PCCA: variants seen among roughly 807,000 people sequenced by gnomAD.
PCCA encodes the protein propionyl-CoA carboxylase subunit alpha, also known as propionyl-CoA carboxylase alpha chain, mitochondrial.
In PCCA, 74 loss-of-function variants were observed where a neutral mutation model predicts 101.3. The observed-to-expected ratio is 0.73, with a 90% confidence interval of 0.61 to 0.89. PCCA has a LOEUF of 0.89. Ranked by LOEUF, PCCA falls within the 40% of genes least tolerant of loss-of-function variation. The pLI is 0.00. For synonymous variants in PCCA, 294 were observed against 313.6 expected (o/e 0.94, Z 0.66); for missense variants, 891 against 907.0 (o/e 0.98, Z 0.23).
chr13:100,494,399 T>G (rs1190894641), intron 21 of PCCA, among the ~76,000 whole-genome samples: 1 of 151,650 alleles, frequency 6.6e-6, no homozygotes, highest in East Asian at 2.0e-4. Flanking sequence ...GATTTGAAAT[T>G]CCGGCCGGGT....
intron 21 of PCCA, among the ~76,000 whole-genome samples, chr13:100,468,348 T>C (rs904480197): frequency 1.3e-5 from 2 of 152,104 alleles, no homozygotes; most frequent in Non-Finnish European, 2.9e-5. Context: ...AGCAAGAGAG[T>C]TGGCCTGTCC....
intron 21 of PCCA, among the ~76,000 whole-genome samples, chr13:100,461,371 A>G (rs911153297): frequency 6.6e-6 from 1 of 152,250 alleles, no homozygotes; most frequent in Non-Finnish European, 1.5e-5. Context: ...TCACTTACAG[A>G]TATCAAATTT....
At chr13:100,258,141 G>T (rs1022602433) in intron 9 of PCCA, among the ~76,000 whole-genome samples, 1 of 152,172 alleles carries the variant, frequency 6.6e-6, no homozygotes, top group Admixed American at 6.5e-5. Context: ...TTTAGAGTGT[G>T]AAATATATTC....
intron 8 of PCCA, among the ~76,000 whole-genome samples, chr13:100,253,184 A>G (rs1413432780): frequency 6.6e-6 from 1 of 152,176 alleles, no homozygotes; most frequent in Non-Finnish European, 1.5e-5. Flanking sequence ...ATATGTGTAT[A>G]TACATAAAGA....
At chr13:100,153,586 G>A (rs1263359993) in intron 4 of PCCA, among the ~76,000 whole-genome samples, 1 of 152,148 alleles carries the variant, frequency 6.6e-6, no homozygotes, top group Non-Finnish European at 1.5e-5. Flanking sequence ...GACAGTAACA[G>A]GATCTGAAGT....
chr13:100,231,052 A>G (rs1253452954), intron 7 of PCCA, among the ~76,000 whole-genome samples: 2 of 152,130 alleles, frequency 1.3e-5, no homozygotes, highest in African/African-American at 4.8e-5. Context: ...GTGTCTTTTC[A>G]GTTACCACGC....
intron 19 of PCCA, among the ~76,000 whole-genome samples, chr13:100,380,740 T>C (rs1230578512): frequency 6.6e-6 from 1 of 152,196 alleles, no homozygotes; most frequent in Admixed American, 6.5e-5. Context: ...TAAAAATAGA[T>C]GAATTGTTCA....
At position 100,410,394 on chromosome 13, in the gene PCCA, C is replaced by T. The variant is rs149077080; in HGVS notation, c.1747-15239C>T. ...AGTAGCTGCGACTACAGGTACATGCCGTGATGCCCAGCTAATTTTTGTATT... is the reference window on the plus strand; with the variant it reads ...AGTAGCTGCGACTACAGGTACATGCTGTGATGCCCAGCTAATTTTTGTATT... On this transcript the variant is annotated intron_variant, in intron 19 of 23. Transcript: ENST00000376285. 3.9e-3 allele frequency among the ~76,000 whole-genome samples: 589 copies of T among 152,254 alleles called. 5 individuals are homozygous for T. The highest frequency in any genetic ancestry group is 0.013 in the African/African-American group (537 of 41,540).
At position 100,474,440 on chromosome 13, in the gene PCCA, T is replaced by TTCTCTC. The variant is rs58811683; in HGVS notation, c.1899+25159_1899+25164dup. On this transcript the variant is annotated intron_variant, in intron 21 of 23. Transcript: ENST00000376285. ...TCTTATAATTTTATGTATTTACTGT[T>TTCTCTC]TCTCTCTCTCTCTCTCTCTCTCTCT... 7.0e-3 allele frequency among the ~76,000 whole-genome samples: 1,015 copies of TTCTCTC among 144,316 alleles called. 10 individuals carry two copies. The highest frequency in any genetic ancestry group is 0.023 in the African/African-American group (868 of 38,136). The allele number at this position is 144,316 out of a possible 152,430, so 94.7% of individuals were successfully genotyped here. A position where few individuals can be genotyped will look rare whatever the true frequency, so the allele number is the denominator to read the frequency against.
At chr13:100,135,463 G>A (rs748886832) in intron 4 of PCCA, among the ~76,000 whole-genome samples, 11 of 152,124 alleles carry the variant, frequency 7.2e-5, no homozygotes, top group Non-Finnish European at 1.3e-4. Context: ...TTGGTTTCCA[G>A]TTGTACATTG....
chr13:100,393,155 A>T (rs1178709922), intron 19 of PCCA, among the ~76,000 whole-genome samples: 1 of 152,222 alleles, frequency 6.6e-6, no homozygotes, highest in African/African-American at 2.4e-5. Flanking sequence ...TGTCACATTT[A>T]ATAGCGTTCT....
chr13:100,465,194 G>A (rs531589799), intron 21 of PCCA, among the ~76,000 whole-genome samples: 5 of 152,230 alleles, frequency 3.3e-5, no homozygotes, highest in South Asian at 2.1e-4. Context: ...GTCTGATGTC[G>A]AAATCGGCTT....
intron 4 of PCCA, among the ~76,000 whole-genome samples, chr13:100,113,480 G>A (rs2048511789): frequency 6.6e-6 from 1 of 151,920 alleles, no homozygotes; most frequent in Admixed American, 6.6e-5. Context: ...GACATTTATA[G>A]AAAAATAGTT....
At chr13:100,107,526 GA>G (rs933278021) in intron 2 of PCCA, among the ~76,000 whole-genome samples, 51 of 147,818 alleles carry the variant, frequency 3.5e-4, no homozygotes, top group African/African-American at 1.0e-3. Flanking sequence ...CGTCTCTTAA[GA>G]AAAAAAAAAG....
At chr13:100,297,718 C>T (rs2065664427) in intron 12 of PCCA, among the ~76,000 whole-genome samples, 1 of 152,088 alleles carries the variant, frequency 6.6e-6, no homozygotes. Flanking sequence ...TGGAGCTAAA[C>T]ATATTTATTC....
At chr13:100,154,884 C>A in intron 4 of PCCA, 95 bp from the exon 5 acceptor site, 1 of 829,358 alleles carries the variant, frequency 1.2e-6, no homozygotes, top group Non-Finnish European at 2.1e-6. Flanking sequence ...AAATGATAGG[C>A]AGAACAATCA....
intron 21 of PCCA, among the ~76,000 whole-genome samples, chr13:100,450,309 G>T (rs1044733165): frequency 6.6e-6 from 1 of 151,786 alleles, no homozygotes. Flanking sequence ...CAGGAGAATC[G>T]CCTGAACTGA....
chr13:100,286,214 A>G (rs886900523), intron 12 of PCCA, among the ~76,000 whole-genome samples: 1 of 152,062 alleles, frequency 6.6e-6, no homozygotes, highest in Non-Finnish European at 1.5e-5. Context: ...TTTTAATAAA[A>G]TTTTCTTTTT....
chr13:100,232,441 C>G (rs1407634457), intron 7 of PCCA, among the ~76,000 whole-genome samples: 1 of 150,878 alleles, frequency 6.6e-6, no homozygotes, highest in Non-Finnish European at 1.5e-5. Context: ...AGTGCAGTGG[C>G]GCCATCATGG....
Sources: gnomAD v4.1 joint callset for allele counts (sites outside exome capture counted in the v4.1 genomes callset) on GRCh38, gnomAD v4.1.1 for gene constraint, MANE v1.5 for transcripts, NCBI Gene and HGNC (gene_info 2026-07-23, HGNC 2026-07-21) for gene names.